PRKCB: variants seen among roughly 807,000 people sequenced by gnomAD.
PRKCB encodes protein kinase C beta.
Under a neutral mutation model 81.5 loss-of-function variants are expected in PRKCB, and 13 were observed. The observed-to-expected ratio is 0.16, with a 90% confidence interval of 0.10 to 0.25. The LOEUF (loss-of-function observed/expected upper bound fraction) is 0.25, where lower values mean the gene tolerates loss of function less well. Ranked by LOEUF, PRKCB falls within the 10% of genes least tolerant of loss-of-function variation. The probability of loss-of-function intolerance (pLI) is 1.00; values close to 1 mark genes in which losing one functional copy is unlikely to be tolerated. For synonymous variants in PRKCB, 335 were observed against 321.4 expected, an observed-to-expected ratio of 1.04 and a Z score of -0.45; for missense variants, 509 against 875.7, an observed-to-expected ratio of 0.58 and a Z score of 5.29.
chr16:23,977,653 C>T (rs564408716), intron 2 of PRKCB, among the ~76,000 whole-genome samples: 64 of 152,302 alleles, frequency 4.2e-4, no homozygotes, highest in Admixed American at 9.2e-4. Flanking sequence ...CTGGAAAGAA[C>T]GGTTCTCTCC....
intron 2 of PRKCB, among the ~76,000 whole-genome samples, chr16:23,903,288 CCCACGTGTGTGTGGGGGAGTGAT>C (rs1963511576): frequency 1.3e-5 from 2 of 151,440 alleles, no homozygotes; most frequent in Non-Finnish European, 2.9e-5. Flanking sequence ...TGTGTGTGCA[CCCACGTGTGTGTGGGGGAGTGAT>C]AGAGATTCTC....
At chr16:23,861,242 C>T (rs1394127092) in intron 2 of PRKCB, among the ~76,000 whole-genome samples, 2 of 151,836 alleles carry the variant, frequency 1.3e-5, no homozygotes, top group Non-Finnish European at 2.9e-5. Flanking sequence ...AAACACAGCT[C>T]ACTGCAGCCT....
chr16:23,957,866 C>G (rs1276893110), intron 2 of PRKCB, among the ~76,000 whole-genome samples: 1 of 152,152 alleles, frequency 6.6e-6, no homozygotes, highest in Non-Finnish European at 1.5e-5. Context: ...CTCTGACTTC[C>G]TAGCTCAATA....
intron 2 of PRKCB, among the ~76,000 whole-genome samples, chr16:23,972,257 G>A (rs965556217): frequency 1.2e-4 from 18 of 152,172 alleles, no homozygotes; most frequent in Non-Finnish European, 2.2e-4. Context: ...ACCACAGGCT[G>A]GGGGTGTGTA....
At chr16:23,922,889 T>C (rs1487203404) in intron 2 of PRKCB, among the ~76,000 whole-genome samples, 1 of 152,128 alleles carries the variant, frequency 6.6e-6, no homozygotes, top group East Asian at 1.9e-4. Context: ...CCAGAGGGCA[T>C]TTAATTTAGG....
At chr16:24,010,318 A>G (rs758897590) in intron 3 of PRKCB, among the ~76,000 whole-genome samples, 6 of 152,174 alleles carry the variant, frequency 3.9e-5, no homozygotes, top group Non-Finnish European at 7.3e-5. Context: ...GAAATCTGAA[A>G]TCCCCTAAAT....
chr16:23,893,462 C>T (rs1306702526), intron 2 of PRKCB: 2 of 152,212 alleles, frequency 1.3e-5, no homozygotes, highest in Non-Finnish European at 2.9e-5. Flanking sequence ...TAGCAGTAGC[C>T]TTCAGTGGCC....
Position 24,185,446 on chromosome 16 carries a change from C to A in PRKCB, c.1615-14C>A. On this transcript the variant is annotated splice_polypyrimidine_tract_variant and intron_variant, in intron 14 of 16. Coordinates refer to ENST00000643927, the MANE Select transcript of PRKCB (RefSeq NM_002738.7). ...GCAGGGATTCTTCTCCTCCCACCCT[C>A]CCCTGTCATACAGGCACCCTTTGAA... 6.2e-7 allele frequency: 1 copy of A among 1,609,742 alleles called. No individual in the cohort carries two copies. Among genetic ancestry groups the A allele is most frequent in the Admixed American group, 1.7e-5 (1 of 60,000 alleles).
In PRKCB at chr16:23,902,792, CCCTCCCTT is replaced by C. The variant is rs1184431654; in HGVS notation, c.205+65390_205+65397del. Among the ~76,000 whole-genome samples the C allele has an allele frequency of 6.7e-4, 25 of 37,252 alleles. 3 individuals are homozygous for C. The highest frequency in any genetic ancestry group is 1.1e-3 in the African/African-American group (9 of 7,940). 24.4% of individuals were successfully genotyped at this position (37,252 alleles called of 152,430 possible). A position where few individuals can be genotyped will look rare whatever the true frequency, so the allele number is the denominator to read the frequency against. On this transcript the variant is annotated intron_variant, in intron 2 of 16. Coordinates refer to ENST00000643927, the MANE Select transcript of PRKCB (RefSeq NM_002738.7). The stretch of plus-strand genomic sequence containing the variant: ...TTCCTTCCTTCCTTCCTCCCTCCCT[CCCTCCCTT>C]CCTTCCTTCCTTCCTTTTTTTGAGA...
At chr16:24,158,594 ATG>A (rs1338870419) in intron 10 of PRKCB, among the ~76,000 whole-genome samples, 12 of 150,874 alleles carry the variant, frequency 8.0e-5, no homozygotes, top group African/African-American at 2.4e-5. Context: ...GTATATGTAT[ATG>A]TGTGTGTATG....
At chr16:24,105,132 C>T (rs532188094) in intron 7 of PRKCB, among the ~76,000 whole-genome samples, 2 of 152,018 alleles carry the variant, frequency 1.3e-5, no homozygotes, top group South Asian at 4.2e-4. Flanking sequence ...TCTCAGCTCA[C>T]TGCAACCTCT....
chr16:23,985,565 A>G (rs1395204909), intron 2 of PRKCB, among the ~76,000 whole-genome samples: 1 of 152,240 alleles, frequency 6.6e-6, no homozygotes. Flanking sequence ...TCCTGATGGA[A>G]AGACTCATTG....
intron 2 of PRKCB, among the ~76,000 whole-genome samples, chr16:23,906,295 T>C (rs28421854): frequency 6.6e-6 from 1 of 151,892 alleles, no homozygotes; most frequent in East Asian, 1.9e-4. Context: ...TATGAGAACA[T>C]TTTTATGTTT....
At chr16:23,947,885 C>CTTTTTTTTTTTTTT (rs3073131) in intron 2 of PRKCB, among the ~76,000 whole-genome samples, 1 of 124,434 alleles carries the variant, frequency 8.0e-6, no homozygotes. Context: ...TCTGGAGCCG[C>CTTTTTTTTTTTTTT]TTTTTTTTTT....
At chr16:24,145,805 C>A (rs779165242) in intron 9 of PRKCB, among the ~76,000 whole-genome samples, 1 of 152,220 alleles carries the variant, frequency 6.6e-6, no homozygotes, top group Non-Finnish European at 1.5e-5. Flanking sequence ...GTACAAAGCT[C>A]ACCATCAGCC....
At chr16:24,096,897 G>A (rs1040915167) in intron 7 of PRKCB, among the ~76,000 whole-genome samples, 1 of 151,324 alleles carries the variant, frequency 6.6e-6, no homozygotes, top group African/African-American at 2.4e-5. Flanking sequence ...GACCTTTTCA[G>A]CTTCAAGTGA....
At chr16:23,881,158 C>T (rs547105950) in intron 2 of PRKCB, among the ~76,000 whole-genome samples, 1 of 152,116 alleles carries the variant, frequency 6.6e-6, no homozygotes, top group East Asian at 1.9e-4. Context: ...GGCCCAGGCC[C>T]ATGAGTCTCT....
At chr16:24,087,066 T>G (rs1321264033) in intron 5 of PRKCB, among the ~76,000 whole-genome samples, 2 of 152,224 alleles carry the variant, frequency 1.3e-5, no homozygotes, top group Admixed American at 1.3e-4. Flanking sequence ...ATTTTTTTTC[T>G]GATCCATCTG....
At chr16:24,107,722 G>A (rs766742030) in intron 7 of PRKCB, among the ~76,000 whole-genome samples, 4 of 152,118 alleles carry the variant, frequency 2.6e-5, no homozygotes, top group East Asian at 3.9e-4. Flanking sequence ...TGCCCGCTGC[G>A]CCAGGCACTG....
Sources: allele counts gnomAD v4.1 joint callset (sites outside exome capture counted in the v4.1 genomes callset), GRCh38; gene constraint gnomAD v4.1.1; transcripts MANE v1.5; gene names NCBI Gene and HGNC (gene_info 2026-07-23, HGNC 2026-07-21).